GRAMD2B: variants seen among roughly 807,000 people sequenced by gnomAD.
GRAMD2B encodes the protein GRAM domain-containing protein 2B.
In GRAMD2B, 41 loss-of-function variants were observed where a neutral mutation model predicts 59.2. The ratio of observed to expected loss-of-function variants is 0.69; its 90% CI spans 0.54 to 0.90. The LOEUF (loss-of-function observed/expected upper bound fraction) is 0.90, where lower values mean the gene tolerates loss of function less well. Ranked by LOEUF, GRAMD2B falls within the 40% of genes least tolerant of loss-of-function variation. GRAMD2B has a pLI of 0.00. For missense variants in GRAMD2B, 424 were observed against 500.5 expected (o/e 0.85, Z 1.46); for synonymous variants, 161 against 182.7 (o/e 0.88, Z 0.96).
At chr5:126,452,041 A>G (rs1325867306) in intron 1 of GRAMD2B, among the ~76,000 whole-genome samples, 2 of 152,196 alleles carry the variant, frequency 1.3e-5, no homozygotes, top group African/African-American at 4.8e-5. Flanking sequence ...GACAGCCTGC[A>G]GAACTGTGAA....
chr5:126,365,227 T>G (rs1426757777), intron 1 of GRAMD2B, among the ~76,000 whole-genome samples: 1 of 152,242 alleles, frequency 6.6e-6, no homozygotes, highest in Non-Finnish European at 1.5e-5. Context: ...GTTGTGAATG[T>G]AGTTCATGCC....
At chr5:126,394,019 T>A (rs956906519) in intron 1 of GRAMD2B, among the ~76,000 whole-genome samples, 3 of 152,038 alleles carry the variant, frequency 2.0e-5, no homozygotes, top group African/African-American at 4.8e-5. Flanking sequence ...TCACACCTGT[T>A]AGCCCAGCAC....
chr5:126,385,996 G>A (rs1194834232), intron 1 of GRAMD2B, among the ~76,000 whole-genome samples: 1 of 152,148 alleles, frequency 6.6e-6, no homozygotes, highest in Non-Finnish European at 1.5e-5. Context: ...AGAGAGGGTT[G>A]GAGGAAATGA....
chr5:126,488,911 G>T lies in GRAMD2B; in HGVS notation c.1257+19G>T. On this transcript the variant is annotated intron_variant, in intron 13 of 13. Coordinates refer to ENST00000285689, the MANE Select transcript of GRAMD2B (RefSeq NM_023927.4). ...AGAAAAGGTGACCTATTTCTTTCCT[G>T]TGTATGGGGGCAGTCACAGTAGTGC... 1 of 1,573,862 alleles carries T rather than the reference G, an allele frequency of 6.4e-7. No individual in the cohort carries two copies. Among genetic ancestry groups the T allele is most frequent in the Non-Finnish European group, 8.7e-7 (1 of 1,143,962 alleles).
chr5:126,473,074 TA>T (rs1319807942), intron 4 of GRAMD2B, among the ~76,000 whole-genome samples, 190 bp from the exon 5 acceptor site: 4 of 152,228 alleles, frequency 2.6e-5, no homozygotes, highest in Non-Finnish European at 5.9e-5. Context: ...CTGAAGTTGG[TA>T]AGACTTTGAA....
chr5:126,489,858 C>T (rs1398925252), intron 13 of GRAMD2B, among the ~76,000 whole-genome samples: 1 of 152,164 alleles, frequency 6.6e-6, no homozygotes, highest in East Asian at 1.9e-4. Context: ...GGTAGCTTTA[C>T]ATCATAGTAC....
chr5:126,437,567 C>A (rs1385369442), intron 1 of GRAMD2B, among the ~76,000 whole-genome samples: 1 of 151,996 alleles, frequency 6.6e-6, no homozygotes, highest in Non-Finnish European at 1.5e-5. Context: ...AGGAGAGAAC[C>A]TGAGAATGAT....
intron 1 of GRAMD2B, among the ~76,000 whole-genome samples, chr5:126,435,811 C>G (rs7708833): frequency 0.044 from 6,769 of 152,276 alleles, 492 homozygotes; most frequent in African/African-American, 0.15. Context: ...GGTTTGGCCT[C>G]TTTATTTTTT....
intron 1 of GRAMD2B, among the ~76,000 whole-genome samples, chr5:126,365,626 G>C (rs569647586): frequency 2.8e-4 from 42 of 151,894 alleles, no homozygotes; most frequent in African/African-American, 9.9e-4. Flanking sequence ...CACGTTCAGT[G>C]TATCATGTCA....
chr5:126,488,896 A>AC lies in GRAMD2B; in HGVS notation c.1257+6dup. ...TAACATAGTGAAATTAGAAAAGGTG[A>AC]CCTATTTCTTTCCTGTGTATGGGGG... On this transcript the variant is annotated splice_donor_region_variant and intron_variant, in intron 13 of 13. Transcript: ENST00000285689. 1 of 1,608,810 alleles carries AC rather than the reference A, an allele frequency of 6.2e-7. No individual in the cohort carries two copies. The highest frequency in any genetic ancestry group is 8.5e-7 in the Non-Finnish European group (1 of 1,175,488).
chr5:126,476,575 C>A (rs1770673317), intron 5 of GRAMD2B, among the ~76,000 whole-genome samples: 1 of 152,172 alleles, frequency 6.6e-6, no homozygotes. Context: ...TTGAAAAGAA[C>A]CCACATTTGG....
chr5:126,447,618 C>G lies in GRAMD2B; in HGVS notation c.84-17808C>G, dbSNP rs560181178. 5.8e-4 allele frequency among the ~76,000 whole-genome samples: 86 copies of G among 148,660 alleles called. 1 individual carries two copies. The highest frequency in any genetic ancestry group is 4.9e-3 in the Admixed American group (73 of 14,852). ...GGCGGAGCTTGCAGTGAGCCGAGAT[C>G]GTGCCACTGCACTCCAGCCTGGGCG... On this transcript the variant is annotated intron_variant, in intron 1 of 13. Transcript: ENST00000285689.
chr5:126,406,819 G>T (rs57392175), intron 1 of GRAMD2B, among the ~76,000 whole-genome samples: 3,733 of 152,018 alleles, frequency 0.025, 158 homozygotes, highest in African/African-American at 0.084. Context: ...GAGAAAAATA[G>T]GTAAAGAAAG....
chr5:126,394,430 GAACA>G (rs1757174454), intron 1 of GRAMD2B, among the ~76,000 whole-genome samples: 1 of 152,146 alleles, frequency 6.6e-6, no homozygotes, highest in Non-Finnish European at 1.5e-5. Context: ...GCTAAAACTG[GAACA>G]AACAAGTGGG....
intron 1 of GRAMD2B, among the ~76,000 whole-genome samples, chr5:126,437,913 C>T (rs1461866431): frequency 6.6e-6 from 1 of 152,096 alleles, no homozygotes; most frequent in Non-Finnish European, 1.5e-5. Context: ...CCTGTGTAGA[C>T]TTTACTGCCA....
chr5:126,440,142 A>C (rs1352095025), intron 1 of GRAMD2B, among the ~76,000 whole-genome samples: 1 of 152,230 alleles, frequency 6.6e-6, no homozygotes, highest in Non-Finnish European at 1.5e-5. Flanking sequence ...TTGGAGAAAG[A>C]GTTACAGACT....
intron 5 of GRAMD2B, among the ~76,000 whole-genome samples, chr5:126,475,355 A>G (rs1196838218): frequency 6.6e-6 from 1 of 152,202 alleles, no homozygotes; most frequent in Admixed American, 6.5e-5. Flanking sequence ...AGATTATGAA[A>G]AATCTAAATT....
At chr5:126,404,864 CA>C (rs1397271327) in intron 1 of GRAMD2B, among the ~76,000 whole-genome samples, 2 of 151,770 alleles carry the variant, frequency 1.3e-5, no homozygotes, top group Non-Finnish European at 2.9e-5. Context: ...AACATAATAA[CA>C]AAAAATAAAT....
chr5:126,386,571 G>A (rs1452930511), intron 1 of GRAMD2B, among the ~76,000 whole-genome samples: 1 of 152,174 alleles, frequency 6.6e-6, no homozygotes, highest in East Asian at 1.9e-4. Flanking sequence ...GGTGATCACT[G>A]GGGACCATCA....
Sources: gnomAD v4.1 joint callset for allele counts (sites outside exome capture counted in the v4.1 genomes callset) on GRCh38, gnomAD v4.1.1 for gene constraint, MANE v1.5 for transcripts, NCBI Gene and HGNC (gene_info 2026-07-23, HGNC 2026-07-21) for gene names.